The following TMEM178B variants were observed in gnomAD, a reference collection of about 807,000 sequenced individuals.
TMEM178B encodes the protein transmembrane protein 178B.
Under a neutral mutation model 31.0 loss-of-function variants are expected in TMEM178B, and 5 were observed. That is an observed-to-expected ratio of 0.16 (90% CI 0.08 to 0.34). TMEM178B has a LOEUF of 0.34. TMEM178B is among the 10% of genes least tolerant of loss of function. The pLI is 1.00. For synonymous variants in TMEM178B, 164 were observed against 164.0 expected, an observed-to-expected ratio of 1.00 and a Z score of 0.00; for missense variants, 275 against 400.3, an observed-to-expected ratio of 0.69 and a Z score of 2.67.
Position 141,383,796 on chromosome 7 carries a change from G to C in TMEM178B, c.497-53812G>C, listed in dbSNP as rs191368604. On this transcript the variant is annotated intron_variant, in intron 2 of 3. Coordinates refer to ENST00000565468, the MANE Select transcript of TMEM178B (RefSeq NM_001195278.2). ...TAGATCCTTGAGGAATCACCACACTGTCTTCTACAATGGTTGAACTAGTTT... is the reference window on the plus strand; with the variant it reads ...TAGATCCTTGAGGAATCACCACACTCTCTTCTACAATGGTTGAACTAGTTT... 1.5e-4 allele frequency among the ~76,000 whole-genome samples: 23 copies of C among 152,302 alleles called. No homozygotes were observed. In the East Asian group the frequency reaches 3.9e-3, roughly 26 times the overall value.
chr7:141,429,130 T>C (rs1261767412), intron 2 of TMEM178B, among the ~76,000 whole-genome samples: 3 of 152,000 alleles, frequency 2.0e-5, no homozygotes, highest in Non-Finnish European at 4.4e-5. Flanking sequence ...AAACTAAAAA[T>C]AGAACTGCCA....
intron 2 of TMEM178B, among the ~76,000 whole-genome samples, chr7:141,364,168 A>C (rs1799964129): frequency 6.6e-6 from 1 of 152,118 alleles, no homozygotes. Context: ...GCCTCTTTTC[A>C]CTTGTCCTAT....
chr7:141,451,136 G>A (rs779483913), intron 3 of TMEM178B, among the ~76,000 whole-genome samples: 1 of 152,156 alleles, frequency 6.6e-6, no homozygotes, highest in Non-Finnish European at 1.5e-5. Context: ...AGCCACTTCT[G>A]CTACCGAAGT....
rs770006881 is a variant in TMEM178B, at chr7:141,082,510, C to T, written c.382+7818C>T. On this transcript the variant is annotated intron_variant, in intron 1 of 3. Coordinates refer to ENST00000565468, the MANE Select transcript of TMEM178B (RefSeq NM_001195278.2). ...CATGATGTGCACCTCCTTGCGTATA[C>T]GCCATGTGTATGCCCATATGTAATA... 4.9e-4 allele frequency among the ~76,000 whole-genome samples: 74 copies of T among 152,258 alleles called. 1 individual carries two copies. The highest frequency in any genetic ancestry group is 1.3e-3 in the Admixed American group (20 of 15,286).
the TMEM178B span, among the ~76,000 whole-genome samples, chr7:141,489,500 G>A: frequency 6.6e-6 from 1 of 152,068 alleles, no homozygotes; most frequent in Non-Finnish European, 1.5e-5. Flanking sequence ...TTATATACAG[G>A]TTATTGTATT....
chr7:141,339,253 C>T (rs560801694), intron 2 of TMEM178B, among the ~76,000 whole-genome samples: 2 of 152,128 alleles, frequency 1.3e-5, no homozygotes, highest in East Asian at 1.9e-4. Flanking sequence ...GGGGAGTGAT[C>T]GTTTCCACAC....
chr7:141,158,635 C>G (rs74615696), intron 1 of TMEM178B, among the ~76,000 whole-genome samples: 2 of 152,130 alleles, frequency 1.3e-5, no homozygotes, highest in Non-Finnish European at 2.9e-5. Flanking sequence ...GAGAAGAGGC[C>G]GAACCTGTGG....
chr7:141,241,933 A>C (rs1449595929), intron 2 of TMEM178B, among the ~76,000 whole-genome samples: 1 of 152,174 alleles, frequency 6.6e-6, no homozygotes, highest in Non-Finnish European at 1.5e-5. Flanking sequence ...AGTTTTCAAA[A>C]TCTGGTGTAC....
intron 1 of TMEM178B, among the ~76,000 whole-genome samples, chr7:141,094,229 A>C (rs1794923260): frequency 6.6e-6 from 1 of 152,202 alleles, no homozygotes; most frequent in Non-Finnish European, 1.5e-5. Flanking sequence ...CACATGTTTT[A>C]GGTGAGGCAG....
At chr7:141,102,465 T>C (rs1472136308) in intron 1 of TMEM178B, among the ~76,000 whole-genome samples, 1 of 152,164 alleles carries the variant, frequency 6.6e-6, no homozygotes. Context: ...GGGGTTGGTG[T>C]TCAACATGTT....
intron 3 of TMEM178B, among the ~76,000 whole-genome samples, chr7:141,451,164 G>A (rs781767285): frequency 1.3e-5 from 2 of 152,140 alleles, no homozygotes; most frequent in African/African-American, 2.4e-5. Context: ...AAGGCCTCAG[G>A]GCCAGATGGA....
chr7:141,339,037 C>T (rs1275577507), intron 2 of TMEM178B, among the ~76,000 whole-genome samples: 1 of 152,028 alleles, frequency 6.6e-6, no homozygotes, highest in African/African-American at 2.4e-5. Context: ...CATGTGTATG[C>T]GTGTGTTTGT....
At chr7:141,101,165 G>C (rs548396994) in intron 1 of TMEM178B, among the ~76,000 whole-genome samples, 1 of 152,192 alleles carries the variant, frequency 6.6e-6, no homozygotes, top group African/African-American at 2.4e-5. Flanking sequence ...AATTCAGAGT[G>C]TAACCTGTAA....
intron 1 of TMEM178B, among the ~76,000 whole-genome samples, chr7:141,082,069 A>G (rs1794695017): frequency 6.6e-6 from 1 of 152,248 alleles, no homozygotes; most frequent in Non-Finnish European, 1.5e-5. Flanking sequence ...TTGGAGCAAT[A>G]GGCTATACCA....
At chr7:141,433,699 A>G (rs973667827) in intron 2 of TMEM178B, among the ~76,000 whole-genome samples, 6 of 152,218 alleles carry the variant, frequency 3.9e-5, no homozygotes, top group Non-Finnish European at 7.3e-5. Flanking sequence ...TCAATAAATT[A>G]TGTAATTTCT....
intron 1 of TMEM178B, among the ~76,000 whole-genome samples, chr7:141,084,681 T>C (rs1402517786): frequency 6.6e-6 from 1 of 152,140 alleles, no homozygotes; most frequent in African/African-American, 2.4e-5. Context: ...GACTAGGTAA[T>C]GCTTGTCTAG....
At chr7:141,086,201 A>T (rs1220622586) in intron 1 of TMEM178B, among the ~76,000 whole-genome samples, 1 of 151,264 alleles carries the variant, frequency 6.6e-6, no homozygotes, top group African/African-American at 2.5e-5. Flanking sequence ...ACTGCTGGCT[A>T]ATTTTTATAC....
chr7:141,281,790 T>C (rs1417256034), intron 2 of TMEM178B, among the ~76,000 whole-genome samples: 1 of 152,020 alleles, frequency 6.6e-6, no homozygotes, highest in African/African-American at 2.4e-5. Context: ...GGACACGACA[T>C]TGTGGAGGTG....
At chr7:141,098,820 G>T (rs1159286933) in intron 1 of TMEM178B, among the ~76,000 whole-genome samples, 4 of 152,156 alleles carry the variant, frequency 2.6e-5, no homozygotes, top group African/African-American at 9.7e-5. Context: ...GATTTCTCTT[G>T]TCAGAAGTGC....
Sources: allele counts gnomAD v4.1 joint callset (sites outside exome capture counted in the v4.1 genomes callset), GRCh38; gene constraint gnomAD v4.1.1; transcripts MANE v1.5; gene names NCBI Gene and HGNC (gene_info 2026-07-23, HGNC 2026-07-21).